The following DNAH7 variants were observed in gnomAD, a reference collection of about 807,000 sequenced individuals.
The protein encoded by DNAH7 is axonemal beta dynein heavy chain 7.
A neutral mutation model predicts 444.6 loss-of-function variants in DNAH7; 397 were observed. The observed-to-expected ratio is 0.89, with a 90% CI of 0.82 to 0.97. The LOEUF (loss-of-function observed/expected upper bound fraction) is 0.97, where lower values mean the gene tolerates loss of function less well. Among genes scored for constraint, DNAH7 ranks in the 50% least tolerant of loss-of-function variants. DNAH7 has a pLI of 0.00. For synonymous variants in DNAH7, 1,636 were observed against 1,624.4 expected (o/e 1.01, Z -0.17); for missense variants, 4,902 against 4,800.8 (o/e 1.02, Z -0.62).
chr2:196,001,561 G>T, intron 11 of DNAH7, 114 bp downstream of exon 11: 2 of 993,788 alleles, frequency 2.0e-6, no homozygotes, highest in South Asian at 2.8e-5. Flanking sequence ...AAGTGTAATA[G>T]GTCTAAAGAT....
At chr2:195,891,838 A>C (rs757709520) in intron 30 of DNAH7, 34 bp from the exon 31 acceptor site, 1 of 1,500,758 alleles carries the variant, frequency 6.7e-7, no homozygotes, top group Non-Finnish European at 9.0e-7. Flanking sequence ...ATTTATGTAA[A>C]GAATACTGTC....
intron 5 of DNAH7, among the ~76,000 whole-genome samples, chr2:196,046,642 C>T (rs756891480): frequency 1.3e-4 from 19 of 151,666 alleles, no homozygotes; most frequent in Non-Finnish European, 2.5e-4. Context: ...CATGGGACTC[C>T]GATACACTCC....
chr2:195,798,537 A>ATTT (rs754058331), intron 55 of DNAH7, among the ~76,000 whole-genome samples: 1,809 of 107,376 alleles, frequency 0.017, 134 homozygotes, highest in African/African-American at 0.055. Context: ...AAATAGTAGA[A>ATTT]TTTTTTTTTT....
chr2:195,933,300 G>C (rs184424742), intron 21 of DNAH7, among the ~76,000 whole-genome samples: 1 of 152,162 alleles, frequency 6.6e-6, no homozygotes, highest in Non-Finnish European at 1.5e-5. Flanking sequence ...CACTGTTGGC[G>C]GGACTGTAAA....
chr2:195,833,825 G>A (rs757557869), intron 48 of DNAH7, among the ~76,000 whole-genome samples: 5 of 151,798 alleles, frequency 3.3e-5, no homozygotes, highest in South Asian at 2.1e-4. Context: ...GCACTCTCTC[G>A]GCTCACTGCA....
intron 9 of DNAH7, among the ~76,000 whole-genome samples, chr2:196,016,727 A>G (rs979784893): frequency 2.0e-5 from 3 of 152,178 alleles, no homozygotes; most frequent in African/African-American, 7.2e-5. Flanking sequence ...GTGCAAATGA[A>G]AAGAGGGGAG....
intron 61 of DNAH7, among the ~76,000 whole-genome samples, chr2:195,762,113 G>A (rs1233915576): frequency 6.6e-6 from 1 of 152,036 alleles, no homozygotes; most frequent in East Asian, 1.9e-4. Context: ...AAAGTGTAGA[G>A]TTTTTATTAG....
intron 25 of DNAH7, among the ~76,000 whole-genome samples, chr2:195,907,440 G>A (rs1032128063): frequency 3.3e-5 from 5 of 152,020 alleles, no homozygotes; most frequent in Non-Finnish European, 7.4e-5. Context: ...ACAGTTTAAG[G>A]CCCTAGTTTG....
intron 64 of DNAH7, among the ~76,000 whole-genome samples, chr2:195,740,040 A>G (rs1692901293): frequency 1.3e-5 from 2 of 151,920 alleles, no homozygotes; most frequent in Non-Finnish European, 1.5e-5. Flanking sequence ...CTGGAGTGCA[A>G]TGGTGCGATC....
chr2:195,770,357 A>G (rs191635152), intron 61 of DNAH7, among the ~76,000 whole-genome samples: 1 of 152,300 alleles, frequency 6.6e-6, no homozygotes, highest in East Asian at 1.9e-4. Context: ...AATCAAATAA[A>G]ACAAAATTTA....
intron 21 of DNAH7, among the ~76,000 whole-genome samples, chr2:195,927,829 A>G (rs1688441203): frequency 6.6e-6 from 1 of 152,136 alleles, no homozygotes; most frequent in South Asian, 2.1e-4. Flanking sequence ...AGTAACACAC[A>G]TATCTCCTAT....
At position 195,959,173 on chromosome 2, in the gene DNAH7, A is replaced by G. The variant is rs560948082; in HGVS notation, c.2891+1087T>C. On this transcript the variant is annotated intron_variant, in intron 18 of 64. Coordinates refer to ENST00000312428, the MANE Select transcript of DNAH7 (RefSeq NM_018897.3). ...CATTTAAGTGGTGCTCTGTGATTTT[A>G]GATCTTTAAAACAAAGAAATGTTAA... Among the ~76,000 whole-genome samples the G allele has an allele frequency of 2.6e-5, 4 of 152,344 alleles. No homozygotes were observed. In the South Asian group the frequency reaches 8.3e-4, roughly 32 times the overall value.
Position 195,794,377 on chromosome 2 carries a change from C to T in DNAH7, c.10677G>A (p.Pro3559=), listed in dbSNP as rs1325228196. The T allele has an allele frequency of 3.1e-6, 5 of 1,614,120 alleles. No individual in the cohort carries two copies. The highest frequency in any genetic ancestry group is 4.2e-6 in the Non-Finnish European group (5 of 1,180,020). ...TGCCAAAGAACTCCGGATCAGAGAT[C>T]GGGTCCATGAGGTATGATCGAATGA... ...ANIIRSYLMD[P]ISDPEFFGSC... The change falls in exon 57 of 65, where the codon CCG becomes CCA. Residue 3559 remains proline, a synonymous_variant. Transcript: ENST00000312428.
chr2:195,816,057 A>G, intron 51 of DNAH7, among the ~76,000 whole-genome samples: 1 of 152,370 alleles, frequency 6.6e-6, no homozygotes, highest in East Asian at 1.9e-4. Flanking sequence ...AACTGATTTT[A>G]AAAAATCAAA....
chr2:195,884,892 G>C, intron 34 of DNAH7, 83 bp from the exon 35 acceptor site: 3 of 1,122,686 alleles, frequency 2.7e-6, no homozygotes, highest in Non-Finnish European at 3.8e-6. Context: ...AGATCAGCCA[G>C]ATTAGTATCT....
chr2:195,818,221 A>G (rs1697310117), intron 49 of DNAH7, among the ~76,000 whole-genome samples: 1 of 152,224 alleles, frequency 6.6e-6, no homozygotes, highest in Non-Finnish European at 1.5e-5. Context: ...TAATAGTTGG[A>G]CCAGCTGATT....
chr2:195,910,263 G>C lies in DNAH7; in HGVS notation c.3936-68C>G, dbSNP rs1687279808. ...TTTTTTTCCATTCACATGCCAAGAA[G>C]AGAAAAAGGTTAAATTGAGAACCAA... On this transcript the variant is annotated intron_variant, in intron 24 of 64. Transcript: ENST00000312428. 3 of 1,336,552 alleles carry C rather than the reference G, an allele frequency of 2.2e-6. No individual in the cohort carries two copies. In the South Asian group the frequency reaches 4.7e-5, roughly 21 times the overall value. The allele number at this position is 1,336,552 out of a possible 1,614,324, so 82.8% of individuals were successfully genotyped here.
intron 36 of DNAH7, among the ~76,000 whole-genome samples, chr2:195,881,333 C>T (rs1215055870): frequency 6.6e-6 from 1 of 152,196 alleles, no homozygotes; most frequent in African/African-American, 2.4e-5. Flanking sequence ...CATAAAGCTA[C>T]TGAGACTGCA....
At chr2:196,040,701 T>G (rs1205830433) in intron 5 of DNAH7, among the ~76,000 whole-genome samples, 1 of 152,112 alleles carries the variant, frequency 6.6e-6, no homozygotes, top group Non-Finnish European at 1.5e-5. Context: ...TATTCAACAT[T>G]GTACCAGAAG....
Sources: allele counts gnomAD v4.1 joint callset (sites outside exome capture counted in the v4.1 genomes callset), GRCh38; gene constraint gnomAD v4.1.1; transcripts MANE v1.5; gene names NCBI Gene and HGNC (gene_info 2026-07-23, HGNC 2026-07-21).